KCNK10: variants seen among roughly 807,000 people sequenced by gnomAD.
KCNK10 encodes the protein potassium channel subfamily K member 10.
A neutral mutation model predicts 47.7 loss-of-function variants in KCNK10; 25 were observed. The ratio of observed to expected loss-of-function variants is 0.52; its 90% CI spans 0.38 to 0.73. The LOEUF (loss-of-function observed/expected upper bound fraction) is 0.73, where lower values mean the gene tolerates loss of function less well. Ranked by LOEUF, KCNK10 falls within the 30% of genes least tolerant of loss-of-function variation. The pLI, the probability that KCNK10 is intolerant of heterozygous loss-of-function variation, is 0.00. For missense variants in KCNK10, 563 were observed against 714.5 expected (o/e 0.79, Z 2.42); for synonymous variants, 303 against 285.6 (o/e 1.06, Z -0.61).
upstream of KCNK10, chr14:88,323,326 G>T: frequency 2.0e-6 from 2 of 980,504 alleles, no homozygotes; most frequent in Non-Finnish European, 2.4e-6. Flanking sequence ...CACCCCGGCC[G>T]CGGCTCCTCG....
intron 4 of KCNK10, among the ~76,000 whole-genome samples, chr14:88,205,542 C>CTTTTTTTTTTTTTTTTTT (rs200265659): frequency 1.7e-5 from 2 of 115,780 alleles, no homozygotes; most frequent in Non-Finnish European, 3.5e-5. Flanking sequence ...CTTTTCTTTT[C>CTTTTTTTTTTTTTTTTTT]TTTTTTTTTT....
chr14:88,278,230 G>T (rs945220891), intron 1 of KCNK10, among the ~76,000 whole-genome samples: 5 of 152,264 alleles, frequency 3.3e-5, no homozygotes, highest in African/African-American at 1.2e-4. Context: ...ATAGAAGTCT[G>T]CTAAGCTGCT....
upstream of KCNK10, chr14:88,326,770 C>T (rs549972514): frequency 3.5e-4 from 121 of 342,426 alleles, no homozygotes; most frequent in African/African-American, 2.6e-3. Flanking sequence ...GCCGTGTGGC[C>T]CGGCATGGGA....
At position 88,188,018 on chromosome 14, in the gene KCNK10, G is replaced by A. The variant is rs931960279; in HGVS notation, c.960C>T (p.Leu320=). 6.2e-7 allele frequency: 1 copy of A among 1,614,018 alleles called. No individual in the cohort carries two copies. Among genetic ancestry groups the A allele is most frequent in the African/African-American group, 1.3e-5 (1 of 74,896 alleles). Reference sequence around the variant, plus strand: ...CCCGTAGCCAATCTCCGATCATACTGAGGACAGCTGCAAAGTAGGCAAGGC... The same window carrying A: ...CCCGTAGCCAATCTCCGATCATACTAAGGACAGCTGCAAAGTAGGCAAGGC... ...LVGLAYFAAV[L]SMIGDWLRVL... is the part of the protein sequence containing the mutation. Residue 320 remains leucine, a synonymous_variant, in exon 6 of 7, where the codon CTC becomes CTT. Coordinates refer to ENST00000319231, the MANE Select transcript of KCNK10 (RefSeq NM_138317.3).
rs1250587744 is a variant in KCNK10, at chr14:88,238,966, T to G, written c.520+1737A>C. Among the ~76,000 whole-genome samples, 3 of 152,164 alleles carry G rather than the reference T, an allele frequency of 2.0e-5. No individual in the cohort carries two copies. The East Asian group carries it at 5.8e-4, about 29-fold the overall frequency. On this transcript the variant is annotated intron_variant, in intron 3 of 6. Transcript: ENST00000319231. ...AACAGTCAGAACACACGGCATTTAT[T>G]GATTAGGTTCACCATCTTCAAAGGG...
At chr14:88,262,069 G>A (rs17124389) in intron 2 of KCNK10, among the ~76,000 whole-genome samples, 7,976 of 152,216 alleles carry the variant, frequency 0.052, 488 homozygotes, top group African/African-American at 0.14. Flanking sequence ...AGAAAACAGC[G>A]CAGACTGGTA....
intron 3 of KCNK10, 115 bp downstream of exon 3, chr14:88,240,588 G>A (rs190028370): frequency 7.4e-5 from 49 of 666,118 alleles, no homozygotes; most frequent in African/African-American, 1.2e-4. Context: ...ACAGTGTTTC[G>A]TAAGCCTCCT....
chr14:88,266,630 ATCACCAGCACTC>A (rs1887267080), intron 1 of KCNK10, among the ~76,000 whole-genome samples: 1 of 152,182 alleles, frequency 6.6e-6, no homozygotes. Context: ...CCCCATCGGA[ATCACCAGCACTC>A]TCAAAAACAA....
chr14:88,255,959 T>G (rs994382723), intron 2 of KCNK10, among the ~76,000 whole-genome samples: 4 of 152,176 alleles, frequency 2.6e-5, no homozygotes, highest in Non-Finnish European at 4.4e-5. Flanking sequence ...TAGAGGAAAG[T>G]AAACAATCAG....
At position 88,181,176 on chromosome 14, in the gene KCNK10, A is replaced by G. The variant is rs1441324331; in HGVS notation, c.*4359T>C. 2 of 201,372 alleles carry G rather than the reference A, an allele frequency of 9.9e-6. No homozygotes were observed. The highest frequency in any genetic ancestry group is 4.6e-5 in the African/African-American group (2 of 43,356). The allele number at this position is 201,372 out of a possible 1,614,324, so 12.5% of individuals were successfully genotyped here. ...ACACTGGATGCTTCATATTCTCACC[A>G]AATCCAGTGGGTAAAAACCAGCCCC... On this transcript the variant is annotated 3_prime_UTR_variant, in exon 7 of 7. Coordinates refer to ENST00000319231, the MANE Select transcript of KCNK10 (RefSeq NM_138317.3).
chr14:88,268,251 C>T (rs1305873857), intron 1 of KCNK10, among the ~76,000 whole-genome samples: 2 of 152,172 alleles, frequency 1.3e-5, no homozygotes, highest in Non-Finnish European at 2.9e-5. Context: ...ACAATCCTGC[C>T]GTGGTATCCT....
At chr14:88,292,016 T>G (rs1021933357) in intron 1 of KCNK10, among the ~76,000 whole-genome samples, 1 of 152,154 alleles carries the variant, frequency 6.6e-6, no homozygotes, top group Non-Finnish European at 1.5e-5. Context: ...AGGGAGGGCA[T>G]CATCCATGTC....
At chr14:88,261,459 A>G (rs1055517300) in intron 2 of KCNK10, among the ~76,000 whole-genome samples, 1 of 152,222 alleles carries the variant, frequency 6.6e-6, no homozygotes, top group African/African-American at 2.4e-5. Flanking sequence ...TTTTCCCATG[A>G]AAGAAGAAAA....
chr14:88,307,327 TCACACACACACA>T (rs112756986), intron 1 of KCNK10, among the ~76,000 whole-genome samples: 6 of 148,958 alleles, frequency 4.0e-5, no homozygotes, highest in African/African-American at 7.4e-5. Flanking sequence ...AAGAAGCTGA[TCACACACACACA>T]CACACACACA....
rs1017383738 is a variant in KCNK10 at position 88,260,879 on chromosome 14, T to C, written c.402+2323A>G. Among the ~76,000 whole-genome samples the C allele has an allele frequency of 6.6e-6, 1 of 152,108 alleles. No homozygotes were observed. The highest frequency in any genetic ancestry group is 1.5e-5 in the Non-Finnish European group (1 of 68,016). On this transcript the variant is annotated intron_variant, in intron 2 of 6. Transcript: ENST00000319231. The surrounding 1 kb of genome is among the most constrained non-coding windows in gnomAD (Gnocchi z 4.5). ...ACACATATCTCATTTCACAGAGAAA[T>C]CTTTGAGGTCAAAACAGGACACCAG... is the stretch of plus-strand genomic sequence containing the variant.
rs776646641 is a variant in KCNK10, at chr14:88,185,551, A to C, written c.1616T>G (p.Leu539Arg). 5.0e-6 allele frequency: 8 copies of C among 1,613,014 alleles called. No individual in the cohort carries two copies. In the Admixed American group the frequency reaches 1.3e-4, roughly 27 times the overall value. ...CCTTCACATTTAGTTTCTGTCTTCA[A>C]GTAATGAGTTGTTCTCCGGCTCCCG... ...KDREPENNSL[L>R]EDRN The change falls in exon 7 of 7, where the codon CTT becomes CGT. Residue 539 changes from leucine to arginine, a missense_variant. Coordinates refer to ENST00000319231, the MANE Select transcript of KCNK10 (RefSeq NM_138317.3). This position sits in a 1 kb window ranked among gnomAD's most constrained non-coding sequence, Gnocchi z 4.3.
rs984752002 is a variant in KCNK10, at chr14:88,280,418, T to C, written c.53-16867A>G. On this transcript the variant is annotated intron_variant, in intron 1 of 6. Transcript: ENST00000319231. ...TTTTCTGCACCCCTTTTGTTCTATATCCTCTCCCTGTGTAATCCCTACCTA... is the reference window on the plus strand; with the variant it reads ...TTTTCTGCACCCCTTTTGTTCTATACCCTCTCCCTGTGTAATCCCTACCTA... Among the ~76,000 whole-genome samples, 2 of 152,086 alleles carry C rather than the reference T, an allele frequency of 1.3e-5. 1 individual carries two copies. Among genetic ancestry groups the C allele is most frequent in the Non-Finnish European group, 2.9e-5 (2 of 68,012 alleles).
chr14:88,274,183 T>A, intron 1 of KCNK10, among the ~76,000 whole-genome samples: 1 of 151,722 alleles, frequency 6.6e-6, no homozygotes, highest in Non-Finnish European at 1.5e-5. Flanking sequence ...TCAGGGCTCA[T>A]CTCACTTCTC....
chr14:88,204,592 C>T (rs1595079273), intron 4 of KCNK10, among the ~76,000 whole-genome samples: 1 of 151,006 alleles, frequency 6.6e-6, no homozygotes. Context: ...CAACTCCCCC[C>T]TACCCCCGCT....
Sources: gnomAD v4.1 joint callset for allele counts (sites outside exome capture counted in the v4.1 genomes callset) on GRCh38, gnomAD v4.1.1 for gene constraint, Gnocchi (gnomAD v3.1) non-coding constraint, MANE v1.5 for transcripts, NCBI Gene and HGNC (gene_info 2026-07-23, HGNC 2026-07-21) for gene names.